The following TMOD1 variants were observed in gnomAD, a reference collection of about 807,000 sequenced individuals.
TMOD1 encodes the protein tropomodulin 1.
A neutral mutation model predicts 40.6 loss-of-function variants in TMOD1; 17 were observed. That is an observed-to-expected ratio of 0.42 (90% confidence interval 0.29 to 0.63). TMOD1 has a LOEUF of 0.63. TMOD1 is among the 20% of genes least tolerant of loss of function. The pLI, the probability that TMOD1 is intolerant of heterozygous loss-of-function variation, is 0.22. For synonymous variants in TMOD1, 181 were observed against 175.0 expected (o/e 1.03, Z -0.27); for missense variants, 391 against 447.6 (o/e 0.87, Z 1.14).
intron 4 of TMOD1, among the ~76,000 whole-genome samples, chr9:97,559,328 C>A (rs1403258258): frequency 6.6e-6 from 1 of 152,100 alleles, no homozygotes; most frequent in African/African-American, 2.4e-5. Context: ...TCTCTCCCCA[C>A]CAGTTCTCTT....
chr9:97,581,616 GTAA>G (rs1825757950), intron 8 of TMOD1, among the ~76,000 whole-genome samples: 1 of 150,666 alleles, frequency 6.6e-6, no homozygotes, highest in African/African-American at 2.4e-5. Context: ...CACCAACAGT[GTAA>G]AAGTGTTCCT....
At chr9:97,551,994 G>A (rs757143314) in intron 3 of TMOD1, among the ~76,000 whole-genome samples, 1 of 152,060 alleles carries the variant, frequency 6.6e-6, no homozygotes, top group Non-Finnish European at 1.5e-5. Context: ...CATTGCTGAT[G>A]TACAGAAACA....
intron 1 of TMOD1, among the ~76,000 whole-genome samples, chr9:97,517,272 C>G (rs950130204): frequency 6.6e-6 from 1 of 151,978 alleles, no homozygotes; most frequent in Non-Finnish European, 1.5e-5. Flanking sequence ...ATTGCTTGAG[C>G]CTGGGAGCTG....
rs111842141 is a variant in TMOD1 at position 97,545,607 on chromosome 9, A to G, written c.121-578A>G. 3.8e-3 allele frequency among the ~76,000 whole-genome samples: 577 copies of G among 152,302 alleles called. 3 individuals carry two copies. The highest frequency in any genetic ancestry group is 0.013 in the African/African-American group (553 of 41,554). ...CCAGCAGGGACTGTGGCCAGAGAGC[A>G]TGCCCCGTCCTCCTCTTAGCTCTGC... On this transcript the variant is annotated intron_variant, in intron 2 of 9. Coordinates refer to ENST00000259365, the MANE Select transcript of TMOD1 (RefSeq NM_003275.4).
chr9:97,548,514 T>A (rs1458501480), intron 3 of TMOD1, among the ~76,000 whole-genome samples: 1 of 152,056 alleles, frequency 6.6e-6, no homozygotes, highest in Non-Finnish European at 1.5e-5. Context: ...CAGACCTGGG[T>A]GGACACCTAG....
At chr9:97,593,922 A>G (rs1365750936) in intron 9 of TMOD1, among the ~76,000 whole-genome samples, 1 of 152,022 alleles carries the variant, frequency 6.6e-6, no homozygotes, top group Non-Finnish European at 1.5e-5. Context: ...TGAGTTCACA[A>G]AGTAGGAAGG....
chr9:97,525,749 A>C (rs1282363373), intron 2 of TMOD1, among the ~76,000 whole-genome samples: 1 of 152,246 alleles, frequency 6.6e-6, no homozygotes, highest in Non-Finnish European at 1.5e-5. Flanking sequence ...CTGTCACCCC[A>C]GCCAGCCCAG....
intron 8 of TMOD1, among the ~76,000 whole-genome samples, chr9:97,577,477 T>C (rs751594467): frequency 7.2e-5 from 11 of 151,928 alleles, no homozygotes; most frequent in Admixed American, 1.3e-4. Context: ...TGTGCTTCAA[T>C]TTTTTTTGCC....
chr9:97,561,822 G>A (rs1044649471), intron 4 of TMOD1, among the ~76,000 whole-genome samples: 3 of 152,170 alleles, frequency 2.0e-5, no homozygotes, highest in African/African-American at 7.2e-5. Context: ...TTTCCCACCT[G>A]CATTCCTCTG....
chr9:97,524,084 T>C (rs1019731544), intron 1 of TMOD1, 57 bp from the exon 2 acceptor site: 39 of 1,370,352 alleles, frequency 2.8e-5, no homozygotes, highest in Non-Finnish European at 3.8e-5. Context: ...AGCCTCCATT[T>C]GCTCTGAGAG....
At chr9:97,543,477 C>A (rs1830306819) in intron 2 of TMOD1, among the ~76,000 whole-genome samples, 1 of 152,224 alleles carries the variant, frequency 6.6e-6, no homozygotes, top group Non-Finnish European at 1.5e-5. Context: ...GTGCTGAGCA[C>A]ATTTTCTGCA....
chr9:97,571,047 CTG>C (rs1490371050), intron 8 of TMOD1, among the ~76,000 whole-genome samples: 3 of 152,186 alleles, frequency 2.0e-5, no homozygotes, highest in Admixed American at 2.0e-4. Flanking sequence ...CCATTGCTGA[CTG>C]TGCTCCACTG....
rs371226690 is a variant in TMOD1 at position 97,574,225 on chromosome 9, G to C, written c.870+5188G>C. Among the ~76,000 whole-genome samples the C allele has an allele frequency of 2.9e-4, 44 of 152,210 alleles. No individual in the cohort carries two copies. The South Asian group carries it at 6.6e-3, about 23-fold the overall frequency. ...CTTGCGGGGAGGTGTGGAGGGAGAGGCGCCGGCGGGAACCAGGGCTGTGCG... is the reference window on the plus strand; with the variant it reads ...CTTGCGGGGAGGTGTGGAGGGAGAGCCGCCGGCGGGAACCAGGGCTGTGCG... On this transcript the variant is annotated intron_variant, in intron 8 of 9. Transcript: ENST00000259365.
intron 6 of TMOD1, among the ~76,000 whole-genome samples, chr9:97,565,180 C>G (rs954867372): frequency 6.6e-6 from 1 of 152,236 alleles, no homozygotes; most frequent in Non-Finnish European, 1.5e-5. Context: ...GAGGCCCCAG[C>G]CTCCTCTGGG....
chr9:97,581,358 T>C (rs1029209857), intron 8 of TMOD1, among the ~76,000 whole-genome samples: 1 of 151,544 alleles, frequency 6.6e-6, no homozygotes, highest in African/African-American at 2.4e-5. Context: ...TATTCCATGG[T>C]GTATATGTGC....
intron 1 of TMOD1, among the ~76,000 whole-genome samples, chr9:97,511,371 G>A (rs1451097828): frequency 6.6e-6 from 1 of 152,120 alleles, no homozygotes; most frequent in African/African-American, 2.4e-5. Context: ...CCTCCATTCA[G>A]GGGCTCCACG....
intron 2 of TMOD1, among the ~76,000 whole-genome samples, chr9:97,533,156 C>T (rs1830128393): frequency 2.6e-5 from 4 of 152,226 alleles, no homozygotes. Context: ...AATGCACAGA[C>T]CAAACAAACC....
intron 9 of TMOD1, among the ~76,000 whole-genome samples, chr9:97,596,245 C>G (rs1826107495): frequency 6.6e-6 from 1 of 151,924 alleles, no homozygotes; most frequent in Admixed American, 6.6e-5. Context: ...TCTCCTCCAA[C>G]ATCCTCAGGC....
chr9:97,502,092 G>A lies in TMOD1; in HGVS notation c.-49+289G>A, dbSNP rs1829511075. ...CTCCGCACCGCGTCTGTGAACGCGA[G>A]AAGGACCCGGGGTTCTGGAGGAGAC... is the stretch of plus-strand genomic sequence containing the variant. On this transcript the variant is annotated intron_variant, in intron 1 of 9. Transcript: ENST00000259365. This position sits in a 1 kb window ranked among gnomAD's most constrained non-coding sequence, Gnocchi z 6.1. 6.6e-6 allele frequency among the ~76,000 whole-genome samples: 1 copy of A among 152,092 alleles called. No individual in the cohort carries two copies. Among genetic ancestry groups the A allele is most frequent in the Admixed American group, 6.5e-5 (1 of 15,288 alleles).
Sources: gnomAD v4.1 joint callset for allele counts (sites outside exome capture counted in the v4.1 genomes callset) on GRCh38, gnomAD v4.1.1 for gene constraint, Gnocchi (gnomAD v3.1) non-coding constraint, MANE v1.5 for transcripts, NCBI Gene and HGNC (gene_info 2026-07-23, HGNC 2026-07-21) for gene names.